The following RXYLT1 variants were observed in gnomAD, a reference collection of about 807,000 sequenced individuals.
RXYLT1 encodes the protein ribitol-5-phosphate xylosyltransferase 1.
In RXYLT1, 41 loss-of-function variants were observed where a neutral mutation model predicts 43.5. That is an observed-to-expected ratio of 0.94 (90% CI 0.73 to 1.22). RXYLT1 has a LOEUF of 1.22. Among genes scored for constraint, RXYLT1 ranks in the 50% most tolerant of loss-of-function variants. RXYLT1 has a pLI of 0.00. For synonymous variants in RXYLT1, 166 were observed against 194.4 expected, an observed-to-expected ratio of 0.85 and a Z score of 1.21; for missense variants, 514 against 532.0, an observed-to-expected ratio of 0.97 and a Z score of 0.33.
At chr12:63,800,723 C>T (rs1415493669) in intron 3 of RXYLT1, among the ~76,000 whole-genome samples, 3 of 152,084 alleles carry the variant, frequency 2.0e-5, no homozygotes, top group Non-Finnish European at 2.9e-5. Context: ...GAGTTCAAGA[C>T]CAGCCTGGCC....
At chr12:63,785,592 T>G (rs1032360998) in intron 3 of RXYLT1, among the ~76,000 whole-genome samples, 3 of 152,118 alleles carry the variant, frequency 2.0e-5, no homozygotes, top group Non-Finnish European at 4.4e-5. Flanking sequence ...TTGCTTAGAC[T>G]TTTTTGGCCT....
At position 63,781,006 on chromosome 12, in the gene RXYLT1, CT is replaced by C; in HGVS notation, c.170-8del. 1.9e-6 allele frequency: 3 copies of C among 1,558,580 alleles called. No homozygotes were observed. The highest frequency in any genetic ancestry group is 2.6e-6 in the Non-Finnish European group (3 of 1,158,206). On this transcript the variant is annotated splice_polypyrimidine_tract_variant and intron_variant, in intron 1 of 5. Coordinates refer to ENST00000261234, the MANE Select transcript of RXYLT1 (RefSeq NM_014254.3). Reference sequence around the variant, plus strand: ...AATACCTTACTGGTAAACACTTACTCTTTTTAAAACAGAACAGTCCACTTTG... The same window carrying C: ...AATACCTTACTGGTAAACACTTACTCTTTTAAAACAGAACAGTCCACTTTG...
chr12:63,780,981 A>G, intron 1 of RXYLT1, 38 bp from the exon 2 acceptor site: 1 of 1,466,100 alleles, frequency 6.8e-7, no homozygotes, highest in Non-Finnish European at 9.0e-7. Context: ...CAACTGCAAT[A>G]ATACCTTACT....
rs555930671 is a variant in RXYLT1, at chr12:63,803,003, T to TA, written c.743+612dup. Among the ~76,000 whole-genome samples the TA allele has an allele frequency of 4.1e-3, 561 of 136,070 alleles. 8 individuals carry two copies. In the South Asian group the frequency reaches 0.057, roughly 14 times the overall value. The allele number at this position is 136,070 out of a possible 152,430, so 89.3% of individuals were successfully genotyped here. ...GGGCAACATGGCAAAACCCTATCTC[T>TA]AAAAAAAAAAAAAATCAAAAATTAT... On this transcript the variant is annotated intron_variant, in intron 4 of 5. Transcript: ENST00000261234.
At chr12:63,805,536 T>A in intron 5 of RXYLT1, 132 bp downstream of exon 5, 1 of 844,762 alleles carries the variant, frequency 1.2e-6, no homozygotes, top group Non-Finnish European at 1.7e-6. Context: ...GATACATTAG[T>A]AATTAAAACT....
intron 4 of RXYLT1, 132 bp downstream of exon 4, chr12:63,802,537 A>G (rs1390638070): frequency 1.3e-6 from 1 of 766,062 alleles, no homozygotes; most frequent in Non-Finnish European, 1.9e-6. Flanking sequence ...TTTCTCAGAG[A>G]TAAAAACAGG....
chr12:63,780,740 T>G (rs1897662506), intron 1 of RXYLT1, among the ~76,000 whole-genome samples: 1 of 152,236 alleles, frequency 6.6e-6, no homozygotes. Context: ...ATACATATTA[T>G]CCTGTTATTT....
chr12:63,789,114 C>A (rs1189361102), intron 3 of RXYLT1, among the ~76,000 whole-genome samples: 2 of 152,156 alleles, frequency 1.3e-5, no homozygotes, highest in Non-Finnish European at 2.9e-5. Context: ...CCCTTGGACA[C>A]TCCTGAAAGT....
At chr12:63,780,682 C>G (rs967744784) in intron 1 of RXYLT1, among the ~76,000 whole-genome samples, 1 of 152,140 alleles carries the variant, frequency 6.6e-6, no homozygotes, top group Non-Finnish European at 1.5e-5. Context: ...CATAGGTTAC[C>G]TGTATACAAT....
chr12:63,802,041 T>C (rs778620326), intron 3 of RXYLT1, 50 bp from the exon 4 acceptor site: 24 of 1,489,686 alleles, frequency 1.6e-5, no homozygotes, highest in Non-Finnish European at 1.5e-5. Flanking sequence ...ACCACATACC[T>C]TTGTTCAGGC....
At chr12:63,804,056 T>C (rs1898228333) in intron 4 of RXYLT1, 1 of 152,210 alleles carries the variant, frequency 6.6e-6, no homozygotes, top group Non-Finnish European at 1.5e-5. Context: ...TTTCGCCATG[T>C]TGGCCAGGCT....
chr12:63,785,966 G>GTTATAC (rs527385243), intron 3 of RXYLT1, among the ~76,000 whole-genome samples: 284 of 152,090 alleles, frequency 1.9e-3, no homozygotes, highest in African/African-American at 6.6e-3. Flanking sequence ...TCTTTTCAAA[G>GTTATAC]TTAAAAAGTA....
intron 2 of RXYLT1, among the ~76,000 whole-genome samples, 184 bp downstream of exon 2, chr12:63,781,358 C>T (rs1012891091): frequency 6.6e-6 from 1 of 152,142 alleles, no homozygotes; most frequent in Non-Finnish European, 1.5e-5. Flanking sequence ...TGTAAATGTA[C>T]ACACATACAT....
rs758592256 is a variant in RXYLT1 at position 63,802,178 on chromosome 12, A to G, written c.516A>G (p.Ala172=). The G allele has an allele frequency of 1.2e-6, 2 of 1,614,118 alleles. No homozygotes were observed. Among genetic ancestry groups the G allele is most frequent in the South Asian group, 1.1e-5 (1 of 91,070 alleles). Residue 172 remains alanine (A), a synonymous_variant, in exon 4 of 6, where the codon GCA becomes GCG. Transcript: ENST00000261234. The part of the protein sequence containing the change: ...VVLILNGREK[A]KIFYATQWLL... ...TCATTTTAAATGGAAGAGAAAAAGC[A>G]AAGATCTTTTATGCCACCCAGTGGT...
At chr12:63,787,283 A>G (rs964427985) in intron 3 of RXYLT1, among the ~76,000 whole-genome samples, 4 of 152,072 alleles carry the variant, frequency 2.6e-5, no homozygotes, top group East Asian at 1.9e-4. Flanking sequence ...ATAAAAAGCA[A>G]CTCCTCATCT....
At position 63,802,261 on chromosome 12, in the gene RXYLT1, T is replaced by C; in HGVS notation, c.599T>C (p.Leu200Ser). 1 of 1,614,124 alleles carries C rather than the reference T, an allele frequency of 6.2e-7. No individual in the cohort carries two copies. The change falls in exon 4 of 6, where the codon TTG becomes TCG. Residue 200 changes from leucine to serine, a missense_variant. Coordinates refer to ENST00000261234, the MANE Select transcript of RXYLT1 (RefSeq NM_014254.3). ...AAACTCCAGCATCTTGCTGTTGTTT[T>C]GCTCGGAAATGAACATTGTGATAAT... is the stretch of plus-strand genomic sequence containing the variant. The part of the protein sequence containing the change: ...IQKLQHLAVV[L>S]LGNEHCDNEW...
intron 3 of RXYLT1, among the ~76,000 whole-genome samples, chr12:63,798,787 G>A (rs1164335731): frequency 6.6e-6 from 1 of 152,194 alleles, no homozygotes; most frequent in East Asian, 1.9e-4. Flanking sequence ...AGTGTCCACT[G>A]ATTCCAAGGT....
intron 3 of RXYLT1, among the ~76,000 whole-genome samples, chr12:63,800,333 G>A (rs778334941): frequency 1.7e-4 from 26 of 152,110 alleles, no homozygotes; most frequent in African/African-American, 4.3e-4. Flanking sequence ...TATAAAAGGC[G>A]TTGAACAAAT....
At chr12:63,780,180 TGCTGGGCGGCTGGGGCC>T in intron 1 of RXYLT1, 51 bp downstream of exon 1, 1 of 1,404,514 alleles carries the variant, frequency 7.1e-7, no homozygotes, top group Middle Eastern at 2.2e-4. Flanking sequence ...TGGCTGGGGC[TGCTGGGCGGCTGGGGCC>T]GGGTCCCCGC....
Sources: allele counts gnomAD v4.1 joint callset (sites outside exome capture counted in the v4.1 genomes callset), GRCh38; gene constraint gnomAD v4.1.1; transcripts MANE v1.5; gene names NCBI Gene and HGNC (gene_info 2026-07-23, HGNC 2026-07-21).